The following TNRC18 variants were observed in gnomAD, a reference collection of about 807,000 sequenced individuals.
TNRC18 encodes trinucleotide repeat containing 18.
In TNRC18, 69 loss-of-function variants were observed where a neutral mutation model predicts 226.7. That is an observed-to-expected ratio of 0.30 (90% CI 0.25 to 0.37). TNRC18 has a LOEUF of 0.37. TNRC18 is among the 10% of genes least tolerant of loss of function. TNRC18 has a pLI of 1.00. For synonymous variants in TNRC18, 2,449 were observed against 1,927.6 expected, an observed-to-expected ratio of 1.27 and a Z score of -7.09; for missense variants, 4,754 against 4,256.6, an observed-to-expected ratio of 1.12 and a Z score of -3.25.
At position 5,374,172 on chromosome 7, in the gene TNRC18, AGGCGGGCGGCGGGCTGG is replaced by A; in HGVS notation, c.3095_3111del (p.Thr1032IlefsTer76). 2 of 319,280 alleles carry A rather than the reference AGGCGGGCGGCGGGCTGG, an allele frequency of 6.3e-6. No homozygotes were observed. The highest frequency in any genetic ancestry group is 7.2e-6 in the Non-Finnish European group (2 of 275,922). 19.8% of individuals were successfully genotyped at this position (319,280 alleles called of 1,614,324 possible). A position where few individuals can be genotyped will look rare whatever the true frequency, so the allele number is the denominator to read the frequency against. On this transcript the variant is annotated frameshift_variant, in exon 10 of 30. Transcript: ENST00000430969. LOFTEE classifies it high-confidence loss of function. ...GTGATACCCGGGGTGGGCGGTGGGG[AGGCGGGCGGCGGGCTGG>A]TGGGGTGGGAGCTGGGGGTGGCGGG...
chr7:5,419,680 G>C (rs531356525), intron 2 of TNRC18: 1 of 152,136 alleles, frequency 6.6e-6, no homozygotes, highest in Non-Finnish European at 1.5e-5. Flanking sequence ...GCAGGTCCGG[G>C]GGCCAAGACC....
intron 22 of TNRC18, 160 bp from the exon 23 acceptor site, chr7:5,320,767 G>A (rs1788267319): frequency 3.0e-6 from 2 of 676,338 alleles, no homozygotes; most frequent in African/African-American, 1.8e-5. Context: ...CCTTTTCTGG[G>A]TTCATTTTCC....
At chr7:5,382,828 T>G (rs956729717) in intron 5 of TNRC18, among the ~76,000 whole-genome samples, 1 of 152,026 alleles carries the variant, frequency 6.6e-6, no homozygotes, top group Non-Finnish European at 1.5e-5. Flanking sequence ...TCTGCACAGG[T>G]CCACGCCCTC....
rs1314325917 is a variant in TNRC18, at chr7:5,379,849, G to A, written c.2153-1825C>T. Among the ~76,000 whole-genome samples the A allele has an allele frequency of 2.0e-5, 3 of 152,326 alleles. No homozygotes were observed. In the East Asian group the frequency reaches 5.8e-4, roughly 29 times the overall value. ...ACTCCCCTTGGGGCCGGCCTTCCCAGGGCTTCCGGGAAGAGGGGTGGGCTG... is the reference window on the plus strand; with the variant it reads ...ACTCCCCTTGGGGCCGGCCTTCCCAAGGCTTCCGGGAAGAGGGGTGGGCTG... On this transcript the variant is annotated intron_variant, in intron 5 of 29. Transcript: ENST00000430969.
chr7:5,361,929 C>G lies in TNRC18; in HGVS notation c.4500G>C (p.Glu1500Asp). The change falls in exon 13 of 30, where the codon GAG becomes GAC. Residue 1500 changes from glutamate (E) to aspartate (D), a missense_variant. Physicochemically the swap from Glu to Asp is conservative, Grantham distance 45. Coordinates refer to ENST00000430969, the MANE Select transcript of TNRC18 (RefSeq NM_001080495.3). ...CCCGGCGGCGCTGCAGCTTCACCAG[C>G]TCACGCTGCTTCTCCTTGTACTGGC... ...VQRQYKEKQRELVKLQRRRDS... is the reference protein window; with the variant it reads ...VQRQYKEKQRDLVKLQRRRDS... The G allele has an allele frequency of 1.9e-6, 3 of 1,601,740 alleles. 1 individual carries two copies. In the South Asian group the frequency reaches 3.4e-5, roughly 18 times the overall value.
chr7:5,351,860 C>A lies in TNRC18; in HGVS notation c.5429G>T (p.Arg1810Leu), dbSNP rs564670840. 4 of 1,608,338 alleles carry A rather than the reference C, an allele frequency of 2.5e-6. No homozygotes were observed. The highest frequency in any genetic ancestry group is 2.2e-5 in the East Asian group (1 of 44,800). ...CTCCGAAGAGTCGCTGAAGGAGGAACGCGCCTCGGCCTCTCGAAGCAGCAG... is the reference window on the plus strand; with the variant it reads ...CTCCGAAGAGTCGCTGAAGGAGGAAAGCGCCTCGGCCTCTCGAAGCAGCAG... ...FCLLLREAEARSSFSDSSEES... is the reference protein window; with the variant it reads ...FCLLLREAEALSSFSDSSEES... The change falls in exon 17 of 30, where the codon CGT becomes CTT. Residue 1810 changes from arginine (R) to leucine (L), a missense_variant. Coordinates refer to ENST00000430969, the MANE Select transcript of TNRC18 (RefSeq NM_001080495.3).
Position 5,388,944 on chromosome 7 carries a change from G to A in TNRC18, c.880C>T (p.Pro294Ser). 1 of 1,387,216 alleles carries A rather than the reference G, an allele frequency of 7.2e-7. No homozygotes were observed. Among genetic ancestry groups the A allele is most frequent in the Non-Finnish European group, 9.4e-7 (1 of 1,065,356 alleles). The allele number at this position is 1,387,216 out of a possible 1,614,324, so 85.9% of individuals were successfully genotyped here. A position where few individuals can be genotyped will look rare whatever the true frequency, so the allele number is the denominator to read the frequency against. ...CNGGAGDVGL[P>S]ALVAEAGRGG... ...CGCCCCGCTTCGGCCACCAGCGCGG[G>A]CAGCCCCACGTCCCCGGCGCCGCCG... The change falls in exon 5 of 30, where the codon CCC (proline) becomes TCC (serine). Residue 294 changes from proline (P) to serine (S), a missense_variant. Pro to Ser is a moderately conservative substitution (Grantham distance 74, BLOSUM62 -1). Transcript: ENST00000430969.
Position 5,370,944 on chromosome 7 carries a change from G to C in TNRC18, c.3650C>G (p.Ser1217Cys), listed in dbSNP as rs761064569. 4 of 1,605,322 alleles carry C rather than the reference G, an allele frequency of 2.5e-6. No homozygotes were observed. Among genetic ancestry groups the C allele is most frequent in the East Asian group, 2.2e-5 (1 of 44,874 alleles). ...SATGQSCAEPSECPDFVEGPE... is the reference protein window; with the variant it reads ...SATGQSCAEPCECPDFVEGPE... ...CCCCTCCACAAAGTCTGGACACTCAGAGGGCTCTGCGCAGCTCTGCCCGGT... is the reference window on the plus strand; with the variant it reads ...CCCCTCCACAAAGTCTGGACACTCACAGGGCTCTGCGCAGCTCTGCCCGGT... The change falls in exon 11 of 30, where the codon TCT (serine) becomes TGT (cysteine). Residue 1217 changes from serine (S) to cysteine (C), a missense_variant. Transcript: ENST00000430969.
At chr7:5,311,830 AAAG>A (rs1459532902) in intron 27 of TNRC18, among the ~76,000 whole-genome samples, 2 of 146,224 alleles carry the variant, frequency 1.4e-5, no homozygotes, top group Non-Finnish European at 3.1e-5. Flanking sequence ...AAAAAAAAAA[AAAG>A]AAAGAAAGAA....
At chr7:5,379,251 A>C (rs1038477862) in intron 5 of TNRC18, among the ~76,000 whole-genome samples, 1 of 151,944 alleles carries the variant, frequency 6.6e-6, no homozygotes, top group African/African-American at 2.4e-5. Flanking sequence ...TTAGGCGGGC[A>C]TGGTGGCATG....
intron 14 of TNRC18, among the ~76,000 whole-genome samples, chr7:5,359,844 C>T (rs907947668): frequency 3.3e-5 from 5 of 149,844 alleles, no homozygotes; most frequent in East Asian, 2.0e-4. Context: ...CACACACACA[C>T]ATCTCTGTGC....
At chr7:5,322,008 G>A (rs929682992) in intron 21 of TNRC18, among the ~76,000 whole-genome samples, 3 of 151,700 alleles carry the variant, frequency 2.0e-5, no homozygotes, top group Non-Finnish European at 2.9e-5. Flanking sequence ...AGCCAGGCGC[G>A]ATGGCTCACA....
Position 5,335,605 on chromosome 7 carries a change from G to GAA in TNRC18, c.5720-2558_5720-2557dup, listed in dbSNP as rs60546145. Among the ~76,000 whole-genome samples the GAA allele has an allele frequency of 3.6e-3, 455 of 126,758 alleles. 3 individuals carry two copies. Among genetic ancestry groups the GAA allele is most frequent in the East Asian group, 0.013 (56 of 4,380 alleles). 83.2% of individuals were successfully genotyped at this position (126,758 alleles called of 152,430 possible). On this transcript the variant is annotated intron_variant, in intron 18 of 29. Transcript: ENST00000430969. The stretch of plus-strand genomic sequence containing the variant: ...GGGTGACAGAGTGAGACTCCGTCTA[G>GAA]AAAAAAAAAAAAAAAAATTAGAAAG...
At chr7:5,308,367 A>G in intron 29 of TNRC18, 55 bp from the exon 30 acceptor site, 4 of 1,515,090 alleles carry the variant, frequency 2.6e-6, no homozygotes, top group East Asian at 2.4e-5. Flanking sequence ...AGGCCGAGGG[A>G]GCCCCAGGGA....
At chr7:5,350,136 G>C (rs1307012040) in intron 17 of TNRC18, among the ~76,000 whole-genome samples, 1 of 152,034 alleles carries the variant, frequency 6.6e-6, no homozygotes, top group Non-Finnish European at 1.5e-5. Flanking sequence ...GGAAAGGGAG[G>C]AGGCCGGGGA....
chr7:5,386,014 C>T (rs959998746), intron 5 of TNRC18, among the ~76,000 whole-genome samples: 4 of 128,604 alleles, frequency 3.1e-5, no homozygotes, highest in Non-Finnish European at 6.3e-5. Context: ...AAAACAGATG[C>T]GGTGGCTCAT....
At chr7:5,333,739 A>C (rs4486099) in intron 18 of TNRC18, among the ~76,000 whole-genome samples, 113,004 of 152,078 alleles carry the variant, frequency 0.74, 42,773 homozygotes, top group East Asian at 0.86. Flanking sequence ...GCCATCCCCT[A>C]TGCACAAAGC....
At chr7:5,326,349 C>T (rs1788909484) in intron 19 of TNRC18, among the ~76,000 whole-genome samples, 1 of 152,190 alleles carries the variant, frequency 6.6e-6, no homozygotes, top group African/African-American at 2.4e-5. Context: ...TTAACAGCAG[C>T]CTATTGAGCC....
At position 5,374,502 on chromosome 7, in the gene TNRC18, G is replaced by A. The variant is rs1269580460; in HGVS notation, c.2800-18C>T. 1 of 1,539,788 alleles carries A rather than the reference G, an allele frequency of 6.5e-7. No individual in the cohort carries two copies. The highest frequency in any genetic ancestry group is 1.2e-5 in the South Asian group (1 of 83,718). On this transcript the variant is annotated intron_variant, in intron 9 of 29. Transcript: ENST00000430969. ...CGCTCCTGCTGGGAAGGGGCCGGCA[G>A]GCAGGGTCAGCACGGCACGAGTTTC...
Sources: gnomAD v4.1 joint callset for allele counts (sites outside exome capture counted in the v4.1 genomes callset) on GRCh38, gnomAD v4.1.1 for gene constraint, MANE v1.5 for transcripts, NCBI Gene and HGNC (gene_info 2026-07-23, HGNC 2026-07-21) for gene names.